The following HSBP1 variants were observed in gnomAD, a reference collection of about 807,000 sequenced individuals.
HSBP1 encodes the protein heat shock factor-binding protein 1.
A neutral mutation model predicts 9.6 loss-of-function variants in HSBP1; 5 were observed. The observed-to-expected ratio is 0.52, with a 90% CI of 0.27 to 1.09. HSBP1 has a LOEUF of 1.09. Ranked by LOEUF, HSBP1 falls within the 50% of genes least tolerant of loss-of-function variation. HSBP1 has a pLI of 0.11. For synonymous variants in HSBP1, 42 were observed against 33.3 expected (o/e 1.26, Z -0.90); for missense variants, 121 against 96.3 (o/e 1.26, Z -1.07).
At position 83,815,654 on chromosome 16, in the gene HSBP1, C is replaced by T. The variant is rs1004981733; in HGVS notation, c.*4236C>T. On this transcript the variant is annotated 3_prime_UTR_variant, in exon 4 of 4. Transcript: ENST00000433866. ...TACAACATCAGCCTCTGTGGGATCC[C>T]TGAGAATGATGAAATGTAATATGTG... The T allele has an allele frequency of 1.3e-5, 2 of 152,118 alleles. No individual in the cohort carries two copies. The highest frequency in any genetic ancestry group is 4.8e-5 in the African/African-American group (2 of 41,394). 9.4% of individuals were successfully genotyped at this position (152,118 alleles called of 1,614,324 possible).
Position 83,818,660 on chromosome 16 carries a change from C to A in HSBP1, c.*7242C>A, listed in dbSNP as rs1209059157. ...TTCTTGGGAACCACCGTGATGTTCT[C>A]TTCTGGACTCTTCGTAACCCCTTCA... is the stretch of plus-strand genomic sequence containing the variant. On this transcript the variant is annotated 3_prime_UTR_variant, in exon 4 of 4. Transcript: ENST00000433866. 6.6e-6 allele frequency: 1 copy of A among 152,196 alleles called. No homozygotes were observed. The highest frequency in any genetic ancestry group is 1.5e-5 in the Non-Finnish European group (1 of 68,044). 9.4% of individuals were successfully genotyped at this position (152,196 alleles called of 1,614,324 possible).
chr16:83,810,260 A>G (rs1486168643), intron 3 of HSBP1, among the ~76,000 whole-genome samples: 1 of 152,116 alleles, frequency 6.6e-6, no homozygotes, highest in East Asian at 1.9e-4. Flanking sequence ...TCCTCTGAAT[A>G]GTTTCAGATG....
rs1203939204 is a variant in HSBP1 at position 83,815,980 on chromosome 16, G to A, written c.*4562G>A. ...GGATTCAGGATCCAGCAGCTTAGAA[G>A]CGTTTAGCTACCAATAGCAAAAATC... is the stretch of plus-strand genomic sequence containing the variant. On this transcript the variant is annotated 3_prime_UTR_variant, in exon 4 of 4. Coordinates refer to ENST00000433866, the MANE Select transcript of HSBP1 (RefSeq NM_001537.4). 2 of 152,176 alleles carry A rather than the reference G, an allele frequency of 1.3e-5. No homozygotes were observed. The highest frequency in any genetic ancestry group is 2.4e-5 in the African/African-American group (1 of 41,442). The allele number at this position is 152,176 out of a possible 1,614,324, so 9.4% of individuals were successfully genotyped here. A position where few individuals can be genotyped will look rare whatever the true frequency, so the allele number is the denominator to read the frequency against.
rs1176714444 is a variant in HSBP1 at position 83,816,362 on chromosome 16, T to TGCACTCCAGCCTGGGTAACAGA, written c.*4947_*4968dup. The TGCACTCCAGCCTGGGTAACAGA allele has an allele frequency of 6.6e-6, 1 of 152,042 alleles. No individual in the cohort carries two copies. The highest frequency in any genetic ancestry group is 2.4e-5 in the African/African-American group (1 of 41,360). 9.4% of individuals were successfully genotyped at this position (152,042 alleles called of 1,614,324 possible). On this transcript the variant is annotated 3_prime_UTR_variant, in exon 4 of 4. Coordinates refer to ENST00000433866, the MANE Select transcript of HSBP1 (RefSeq NM_001537.4). ...TTGCAGTGAGCCGAGATCGTGCCACTGCACTCCAGCCTGGGTAACAGAGCG... is the reference window on the plus strand; with the variant it reads ...TTGCAGTGAGCCGAGATCGTGCCACTGCACTCCAGCCTGGGTAACAGAGCACTCCAGCCTGGGTAACAGAGCG...
At chr16:83,809,190 A>G (rs1904537874) in intron 2 of HSBP1, 115 bp from the exon 3 acceptor site, 1 of 685,456 alleles carries the variant, frequency 1.5e-6, no homozygotes, top group African/African-American at 1.8e-5. Flanking sequence ...CAGTGTCGAA[A>G]GAAAATTGGA....
At position 83,818,962 on chromosome 16, in the gene HSBP1, T is replaced by G. The variant is rs1365956770; in HGVS notation, c.*7544T>G. On this transcript the variant is annotated 3_prime_UTR_variant, in exon 4 of 4. Transcript: ENST00000433866. Reference sequence around the variant, plus strand: ...GAATCCCCTGGGAACGTGCTGGAAATGTAGATCCCCAGGCCCTACCTAGCC... The same window carrying G: ...GAATCCCCTGGGAACGTGCTGGAAAGGTAGATCCCCAGGCCCTACCTAGCC... The G allele has an allele frequency of 6.6e-6, 1 of 152,146 alleles. No homozygotes were observed. The highest frequency in any genetic ancestry group is 2.4e-5 in the African/African-American group (1 of 41,446). 9.4% of individuals were successfully genotyped at this position (152,146 alleles called of 1,614,324 possible).
At position 83,817,751 on chromosome 16, in the gene HSBP1, G is replaced by A. The variant is rs1053568751; in HGVS notation, c.*6333G>A. The A allele has an allele frequency of 2.0e-5, 3 of 152,150 alleles. No individual in the cohort carries two copies. Among genetic ancestry groups the A allele is most frequent in the African/African-American group, 7.2e-5 (3 of 41,424 alleles). 9.4% of individuals were successfully genotyped at this position (152,150 alleles called of 1,614,324 possible). On this transcript the variant is annotated 3_prime_UTR_variant, in exon 4 of 4. Transcript: ENST00000433866. ...GATAATCATCAGAAGAGCCATTTCTGGAAATGTAAATAATATGGCTGTTTC... is the reference window on the plus strand; with the variant it reads ...GATAATCATCAGAAGAGCCATTTCTAGAAATGTAAATAATATGGCTGTTTC...
rs548788004 is a variant in HSBP1, at chr16:83,808,623, C to A, written c.46-57C>A. 4.2e-6 allele frequency: 6 copies of A among 1,415,306 alleles called. No individual in the cohort carries two copies. In the African/African-American group the frequency reaches 7.0e-5, roughly 17 times the overall value. 87.7% of individuals were successfully genotyped at this position (1,415,306 alleles called of 1,614,324 possible). ...GGGACCAGGGCTTGCGTCCTGATCC[C>A]AGGAAGTTGTCTCAGGATCGATGTG... On this transcript the variant is annotated intron_variant, in intron 1 of 3. Transcript: ENST00000433866.
rs375316113 is a variant in HSBP1, at chr16:83,819,671, T to A, written c.*8253T>A. ...ATTAAAAAGCTTTTAAAGAGCATAG[T>A]AAATATTTTACCAGAAGGATAAGTT... On this transcript the variant is annotated 3_prime_UTR_variant, in exon 4 of 4. Coordinates refer to ENST00000433866, the MANE Select transcript of HSBP1 (RefSeq NM_001537.4). 2 of 152,234 alleles carry A rather than the reference T, an allele frequency of 1.3e-5. No homozygotes were observed. Among genetic ancestry groups the A allele is most frequent in the Admixed American group, 1.3e-4 (2 of 15,264 alleles). The allele number at this position is 152,234 out of a possible 1,614,324, so 9.4% of individuals were successfully genotyped here.
At chr16:83,808,544 G>C (rs1904517290) in intron 1 of HSBP1, 136 bp from the exon 2 acceptor site, 1 of 640,570 alleles carries the variant, frequency 1.6e-6, no homozygotes, top group Non-Finnish European at 2.7e-6. Context: ...AGAGAAGGAA[G>C]ATCTTGCTGA....
At position 83,816,122 on chromosome 16, in the gene HSBP1, G is replaced by C. The variant is rs995385095; in HGVS notation, c.*4704G>C. 6.6e-6 allele frequency: 1 copy of C among 152,308 alleles called. No individual in the cohort carries two copies. The highest frequency in any genetic ancestry group is 2.4e-5 in the African/African-American group (1 of 41,452). 9.4% of individuals were successfully genotyped at this position (152,308 alleles called of 1,614,324 possible). A position where few individuals can be genotyped will look rare whatever the true frequency, so the allele number is the denominator to read the frequency against. On this transcript the variant is annotated 3_prime_UTR_variant, in exon 4 of 4. Transcript: ENST00000433866. The stretch of plus-strand genomic sequence containing the variant: ...TAAAACTAAGAGCAAGACCCGGCCG[G>C]GCGCAGTGGCTCATGCCTGTAATCC...
At chr16:83,809,921 G>T (rs973084364) in intron 3 of HSBP1, among the ~76,000 whole-genome samples, 1 of 152,108 alleles carries the variant, frequency 6.6e-6, no homozygotes, top group Non-Finnish European at 1.5e-5. Flanking sequence ...AATTTTTCAT[G>T]CCAAACTCAT....
At position 83,811,460 on chromosome 16, in the gene HSBP1, G is replaced by C. The variant is rs1316812800; in HGVS notation, c.*42G>C. 2.0e-5 allele frequency: 3 copies of C among 152,214 alleles called. No homozygotes were observed. The highest frequency in any genetic ancestry group is 4.8e-5 in the African/African-American group (2 of 41,452). The allele number at this position is 152,214 out of a possible 1,614,324, so 9.4% of individuals were successfully genotyped here. A position where few individuals can be genotyped will look rare whatever the true frequency, so the allele number is the denominator to read the frequency against. On this transcript the variant is annotated 3_prime_UTR_variant, in exon 4 of 4. Transcript: ENST00000433866. ...ATACTGGAATCTGGCATTTTTCCAA[G>C]CCAAGAGAAGATCGAATGGCTTTTT...
chr16:83,819,558 TTAAAATGTACTTC>T lies in HSBP1; in HGVS notation c.*8141_*8153del, dbSNP rs796860822. ...TCACTTTAAAGCAATTTGCTTCTTA[TTAAAATGTACTTC>T]AGTAAAAAATCATTTCAACTCTTAA... is the stretch of plus-strand genomic sequence containing the variant. On this transcript the variant is annotated 3_prime_UTR_variant, in exon 4 of 4. Coordinates refer to ENST00000433866, the MANE Select transcript of HSBP1 (RefSeq NM_001537.4). 1.4e-3 allele frequency: 208 copies of T among 152,326 alleles called. 1 individual carries two copies. The highest frequency in any genetic ancestry group is 4.8e-3 in the African/African-American group (200 of 41,572). The allele number at this position is 152,326 out of a possible 1,614,324, so 9.4% of individuals were successfully genotyped here.
At chr16:83,808,587 G>A in intron 1 of HSBP1, 93 bp from the exon 2 acceptor site, 2 of 966,620 alleles carry the variant, frequency 2.1e-6, no homozygotes, top group Non-Finnish European at 1.6e-6. Context: ...CAGAAATGGG[G>A]CTGGAACCCC....
rs1158963971 is a variant in HSBP1, at chr16:83,819,075, G to A, written c.*7657G>A. ...CGATTCTGAGAGTGAGAGAGCCAGG[G>A]CCTTCGGGCATCAACCTTGGGGCGA... On this transcript the variant is annotated 3_prime_UTR_variant, in exon 4 of 4. Coordinates refer to ENST00000433866, the MANE Select transcript of HSBP1 (RefSeq NM_001537.4). 1 of 151,960 alleles carries A rather than the reference G, an allele frequency of 6.6e-6. No individual in the cohort carries two copies. Among genetic ancestry groups the A allele is most frequent in the East Asian group, 1.9e-4 (1 of 5,142 alleles). The allele number at this position is 151,960 out of a possible 1,614,324, so 9.4% of individuals were successfully genotyped here.
chr16:83,808,087 C>G lies in HSBP1; in HGVS notation c.11C>G (p.Thr4Ser), dbSNP rs759527639. The change falls in exon 1 of 4, where the codon ACT (threonine) becomes AGT (serine). Residue 4 changes from threonine to serine, a missense_variant. Coordinates refer to ENST00000433866, the MANE Select transcript of HSBP1 (RefSeq NM_001537.4). ...CTGGGCATCGGGGAGATGGCCGAGA[C>G]TGACCCCAAGACCGTGCAGGACCTC... MAE[T>S]DPKTVQDLTS... 7.8e-6 allele frequency: 12 copies of G among 1,546,082 alleles called. No homozygotes were observed. The highest frequency in any genetic ancestry group is 3.9e-5 in the Admixed American group (2 of 50,642).
At chr16:83,809,284 C>G (rs757298124) in intron 2 of HSBP1, 21 bp from the exon 3 acceptor site, 2 of 1,437,690 alleles carry the variant, frequency 1.4e-6, no homozygotes, top group Admixed American at 3.8e-5. Context: ...TGTTGGCACG[C>G]GTTGTCTTTA....
rs1161485713 is a variant in HSBP1 at position 83,808,767 on chromosome 16, C to T, written c.112+21C>T. 4 of 1,591,880 alleles carry T rather than the reference C, an allele frequency of 2.5e-6. No individual in the cohort carries two copies. The African/African-American group carries it at 4.0e-5, about 16-fold the overall frequency. On this transcript the variant is annotated intron_variant, in intron 2 of 3. Transcript: ENST00000433866. ...GAGAAATATCCTTTTTATCTGCAGT[C>T]GGCCTCCTGTGGGCCTTTGGAGCCT... is the stretch of plus-strand genomic sequence containing the variant.
Sources: allele counts gnomAD v4.1 joint callset (sites outside exome capture counted in the v4.1 genomes callset), GRCh38; gene constraint gnomAD v4.1.1; transcripts MANE v1.5; gene names NCBI Gene and HGNC (gene_info 2026-07-23, HGNC 2026-07-21).